The following NRCAM variants were observed in gnomAD, a reference collection of about 807,000 sequenced individuals.
NRCAM encodes neuronal cell adhesion molecule.
In NRCAM, 83 loss-of-function variants were observed where a neutral mutation model predicts 156.5. The ratio of observed to expected loss-of-function variants is 0.53; its 90% CI spans 0.44 to 0.64. NRCAM has a LOEUF of 0.64. Ranked by LOEUF, NRCAM falls within the 30% of genes least tolerant of loss-of-function variation. The pLI, the probability that NRCAM is intolerant of heterozygous loss-of-function variation, is 0.00. For missense variants in NRCAM, 1,417 were observed against 1,597.3 expected (o/e 0.89, Z 1.92); for synonymous variants, 538 against 563.9 (o/e 0.95, Z 0.65).
intron 3 of NRCAM, among the ~76,000 whole-genome samples, chr7:108,255,054 T>C (rs971808216): frequency 6.6e-6 from 1 of 152,158 alleles, no homozygotes; most frequent in Non-Finnish European, 1.5e-5. Flanking sequence ...TATATTCATA[T>C]AATGGAAAAG....
intron 11 of NRCAM, among the ~76,000 whole-genome samples, chr7:108,219,987 A>G (rs777396882): frequency 6.6e-6 from 1 of 152,184 alleles, no homozygotes; most frequent in Non-Finnish European, 1.5e-5. Context: ...AGAACTCATA[A>G]AAGAATTCAG....
intron 2 of NRCAM, among the ~76,000 whole-genome samples, chr7:108,382,026 C>T (rs2099703907): frequency 6.6e-6 from 1 of 152,048 alleles, no homozygotes; most frequent in Admixed American, 6.6e-5. Flanking sequence ...AGATTAGTTG[C>T]CTGACTAGCA....
At chr7:108,229,014 G>A (rs565589037) in intron 8 of NRCAM, among the ~76,000 whole-genome samples, 28 of 152,110 alleles carry the variant, frequency 1.8e-4, no homozygotes, top group Non-Finnish European at 2.5e-4. Context: ...AATGTTAGAG[G>A]CAAATTTTCT....
At chr7:108,442,617 T>C (rs914192633) in intron 1 of NRCAM, among the ~76,000 whole-genome samples, 1 of 152,258 alleles carries the variant, frequency 6.6e-6, no homozygotes, top group South Asian at 2.1e-4. Flanking sequence ...GATTACCAGC[T>C]GGTGATTTAC....
intron 2 of NRCAM, among the ~76,000 whole-genome samples, chr7:108,387,560 ATTTAT>A (rs1563564668): frequency 1.3e-5 from 2 of 151,946 alleles, no homozygotes; most frequent in Non-Finnish European, 2.9e-5. Context: ...AAATTTATTT[ATTTAT>A]TTACTTTTTA....
chr7:108,277,787 G>T (rs1315598946), intron 3 of NRCAM, among the ~76,000 whole-genome samples: 1 of 152,100 alleles, frequency 6.6e-6, no homozygotes, highest in Non-Finnish European at 1.5e-5. Context: ...TTGCTGGTAA[G>T]GAGTTATGTT....
At chr7:108,230,645 C>T (rs1289662543) in intron 8 of NRCAM, among the ~76,000 whole-genome samples, 1 of 152,198 alleles carries the variant, frequency 6.6e-6, no homozygotes, top group East Asian at 1.9e-4. Flanking sequence ...TAGGGGCTAG[C>T]ACTAGTTTTC....
At chr7:108,389,065 C>T (rs907169939) in intron 2 of NRCAM, among the ~76,000 whole-genome samples, 1 of 152,060 alleles carries the variant, frequency 6.6e-6, no homozygotes, top group Non-Finnish European at 1.5e-5. Context: ...TCCATATGAA[C>T]TTTAAAGTAG....
At chr7:108,365,675 G>A (rs1227916671) in intron 2 of NRCAM, among the ~76,000 whole-genome samples, 1 of 152,064 alleles carries the variant, frequency 6.6e-6, no homozygotes, top group African/African-American at 2.4e-5. Context: ...TGCCCTTCTT[G>A]GTTCCACATA....
chr7:108,303,022 C>T (rs1479047434), intron 3 of NRCAM, among the ~76,000 whole-genome samples: 1 of 152,122 alleles, frequency 6.6e-6, no homozygotes, highest in African/African-American at 2.4e-5. Flanking sequence ...AGTGCAGTGG[C>T]TCCATCTTGG....
intron 29 of NRCAM, 116 bp from the exon 30 acceptor site, chr7:108,167,189 G>T: frequency 1.4e-6 from 1 of 697,334 alleles, no homozygotes; most frequent in Non-Finnish European, 2.4e-6. Context: ...GGATGCTTAG[G>T]TTTACCATTT....
In NRCAM at chr7:108,293,847, G is replaced by A. The variant is rs1213316960; in HGVS notation, c.-107+18818C>T. Among the ~76,000 whole-genome samples, 6 of 152,274 alleles carry A rather than the reference G, an allele frequency of 3.9e-5. No homozygotes were observed. The East Asian group carries it at 7.7e-4, about 20-fold the overall frequency. The stretch of plus-strand genomic sequence containing the variant: ...ACATTATTACTGTGAGTTAGATACC[G>A]GCTTGATTTCAGGTCTTCTAATTTT... On this transcript the variant is annotated intron_variant, in intron 3 of 32. Transcript: ENST00000379028.
intron 1 of NRCAM, among the ~76,000 whole-genome samples, chr7:108,429,748 C>T (rs1822449599): frequency 6.6e-6 from 1 of 152,098 alleles, no homozygotes; most frequent in Admixed American, 6.6e-5. Flanking sequence ...AAATCTCTGG[C>T]CTGTGCAGCT....
intron 1 of NRCAM, among the ~76,000 whole-genome samples, chr7:108,424,852 T>C (rs187052151): frequency 7.9e-5 from 12 of 152,204 alleles, no homozygotes; most frequent in Non-Finnish European, 1.5e-4. Context: ...ATATGAAATA[T>C]ACATTACATT....
intron 1 of NRCAM, among the ~76,000 whole-genome samples, chr7:108,433,784 T>G (rs1277743271): frequency 6.6e-6 from 1 of 152,212 alleles, no homozygotes. Context: ...GCTTCTTGTA[T>G]AGCCTGCAGA....
Position 108,206,739 on chromosome 7 carries a change from G to A in NRCAM, c.1207+789C>T, listed in dbSNP as rs914672673. ...TCCCTTGACTCTCCCCAAGCCTTTA[G>A]CCAAGTTTTGTAAAGCTGGCCTTTG... On this transcript the variant is annotated intron_variant, in intron 13 of 32. Transcript: ENST00000379028. Among the ~76,000 whole-genome samples the A allele has an allele frequency of 4.6e-5, 7 of 152,234 alleles. No individual in the cohort carries two copies. In the East Asian group the frequency reaches 1.4e-3, roughly 29 times the overall value.
At chr7:108,355,182 T>A (rs1180542403) in intron 2 of NRCAM, among the ~76,000 whole-genome samples, 1 of 152,180 alleles carries the variant, frequency 6.6e-6, no homozygotes, top group African/African-American at 2.4e-5. Context: ...ATAAATTGAT[T>A]CTAAAACACA....
At chr7:108,395,169 C>T (rs1185890609) in intron 2 of NRCAM, among the ~76,000 whole-genome samples, 3 of 152,180 alleles carry the variant, frequency 2.0e-5, no homozygotes, top group Admixed American at 2.0e-4. Flanking sequence ...CCTTGCTATT[C>T]TATTAACTAA....
Position 108,313,641 on chromosome 7 carries a change from A to C in NRCAM, c.-173-910T>G, listed in dbSNP as rs1276675425. On this transcript the variant is annotated intron_variant, in intron 2 of 32. Transcript: ENST00000379028. ...GTGTTATAAAATATTCCCTGCATTA[A>C]GTTGCAAAAAATGTTAATTACATAT... is the stretch of plus-strand genomic sequence containing the variant. Among the ~76,000 whole-genome samples, 5 of 152,216 alleles carry C rather than the reference A, an allele frequency of 3.3e-5. No homozygotes were observed. The East Asian group carries it at 9.6e-4, about 29-fold the overall frequency.
Sources: allele counts gnomAD v4.1 joint callset (sites outside exome capture counted in the v4.1 genomes callset), GRCh38; gene constraint gnomAD v4.1.1; transcripts MANE v1.5; gene names NCBI Gene and HGNC (gene_info 2026-07-23, HGNC 2026-07-21).